Variants in CRACD observed in about 807,000 individuals in gnomAD.
The protein encoded by CRACD is capping protein inhibiting regulator of actin dynamics.
In CRACD, 56 loss-of-function variants were observed where a neutral mutation model predicts 106.8. The ratio of observed to expected loss-of-function variants is 0.52; its 90% CI spans 0.42 to 0.66. The LOEUF (loss-of-function observed/expected upper bound fraction) is 0.66, where lower values mean the gene tolerates loss of function less well. Among genes scored for constraint, CRACD ranks in the 30% least tolerant of loss-of-function variants. The pLI is 0.00. For missense variants in CRACD, 1,730 were observed against 1,623.2 expected, an observed-to-expected ratio of 1.07 and a Z score of -1.13; for synonymous variants, 754 against 670.8, an observed-to-expected ratio of 1.12 and a Z score of -1.92.
intron 2 of CRACD, among the ~76,000 whole-genome samples, chr4:56,228,542 G>C (rs1739435692): frequency 6.6e-6 from 1 of 151,382 alleles, no homozygotes; most frequent in African/African-American, 2.4e-5. Context: ...GGCCAAGGTG[G>C]GAGGATCGCT....
At chr4:56,318,202 GC>G (rs1273817964) in intron 8 of CRACD, among the ~76,000 whole-genome samples, 3 of 151,994 alleles carry the variant, frequency 2.0e-5, no homozygotes, top group African/African-American at 7.2e-5. Flanking sequence ...TTGCTATGTT[GC>G]CCAGGCTGGT....
At chr4:56,061,028 A>C (rs2412721) in intron 1 of CRACD, among the ~76,000 whole-genome samples, 55,817 of 152,000 alleles carry the variant, frequency 0.37, 11,791 homozygotes, top group African/African-American at 0.59. Context: ...AAACTAAGAC[A>C]AGTGCTGACA....
At chr4:56,253,197 C>G (rs2109592892) in intron 2 of CRACD, among the ~76,000 whole-genome samples, 1 of 152,180 alleles carries the variant, frequency 6.6e-6, no homozygotes, top group East Asian at 1.9e-4. Flanking sequence ...TCTCCCAGGC[C>G]CTGAAGGTCA....
chr4:56,156,005 C>T (rs963897211), intron 1 of CRACD, among the ~76,000 whole-genome samples: 3 of 152,092 alleles, frequency 2.0e-5, no homozygotes, highest in African/African-American at 7.2e-5. Flanking sequence ...GCTCTGTCAC[C>T]CAGGCTGGAG....
At chr4:56,177,610 A>G (rs1736642580) in intron 1 of CRACD, among the ~76,000 whole-genome samples, 1 of 152,206 alleles carries the variant, frequency 6.6e-6, no homozygotes. Flanking sequence ...TTTTCTTTAA[A>G]TGCTTGGTAG....
At chr4:56,077,428 A>G (rs1352953246) in intron 1 of CRACD, among the ~76,000 whole-genome samples, 1 of 152,204 alleles carries the variant, frequency 6.6e-6, no homozygotes, top group East Asian at 1.9e-4. Context: ...GCCAAACCAT[A>G]TCATTATGTA....
At chr4:56,208,972 C>T (rs1243218183) in intron 2 of CRACD, among the ~76,000 whole-genome samples, 3 of 147,014 alleles carry the variant, frequency 2.0e-5, no homozygotes, top group African/African-American at 8.2e-5. Context: ...CAGAATCTGT[C>T]TCTCTCTCTC....
At position 56,298,327 on chromosome 4, in the gene CRACD, T is replaced by C. The variant is rs1168063596; in HGVS notation, c.98T>C (p.Leu33Pro). 6.2e-7 allele frequency: 1 copy of C among 1,614,128 alleles called. No individual in the cohort carries two copies. Among genetic ancestry groups the C allele is most frequent in the African/African-American group, 1.3e-5 (1 of 75,042 alleles). ...TVQAMSQDNILGKVKTLQQQL... is the reference protein window; with the variant it reads ...TVQAMSQDNIPGKVKTLQQQL... ...CAAGCAATGTCACAGGACAACATCCTGGGCAAAGTCAAAACTCTTCAGGTA... is the reference window on the plus strand; with the variant it reads ...CAAGCAATGTCACAGGACAACATCCCGGGCAAAGTCAAAACTCTTCAGGTA... The change falls in exon 4 of 11, where the codon CTG (leucine) becomes CCG (proline). Residue 33 changes from leucine (L) to proline (P), a missense_variant. Physicochemically the swap from Leu to Pro is moderately conservative, Grantham distance 98. Transcript: ENST00000682029.
intron 1 of CRACD, among the ~76,000 whole-genome samples, chr4:56,145,942 T>C (rs1735363505): frequency 6.6e-6 from 1 of 152,184 alleles, no homozygotes; most frequent in Non-Finnish European, 1.5e-5. Flanking sequence ...CTTACTTTTT[T>C]TTGGTTTATT....
At chr4:56,127,064 G>A (rs981151481) in intron 1 of CRACD, among the ~76,000 whole-genome samples, 3 of 152,124 alleles carry the variant, frequency 2.0e-5, no homozygotes, top group South Asian at 2.1e-4. Flanking sequence ...CTTGGGAGGC[G>A]GAGCCCTCAT....
chr4:56,304,115 G>A (rs1744528504), intron 4 of CRACD, among the ~76,000 whole-genome samples: 1 of 151,390 alleles, frequency 6.6e-6, no homozygotes, highest in Non-Finnish European at 1.5e-5. Flanking sequence ...GCCCTCCCCT[G>A]CCAACATCCC....
chr4:56,193,809 C>T lies in CRACD; in HGVS notation c.-189+14379C>T, dbSNP rs146551806. On this transcript the variant is annotated intron_variant, in intron 2 of 10. Transcript: ENST00000682029. ...ATTTAGAAGATCAGGAAAAAAGTTT[C>T]TGTTTTTTTTTTATATTCCAATACT... Among the ~76,000 whole-genome samples the T allele has an allele frequency of 2.6e-3, 392 of 151,752 alleles. 7 individuals are homozygous for T. The East Asian group carries it at 0.065, about 25-fold the overall frequency.
intron 1 of CRACD, among the ~76,000 whole-genome samples, chr4:56,082,178 T>C (rs1733056794): frequency 6.6e-6 from 1 of 152,094 alleles, no homozygotes; most frequent in African/African-American, 2.4e-5. Context: ...AGAGGTGATA[T>C]TTAAGTAGAG....
At chr4:56,320,515 G>C (rs889124699) in intron 8 of CRACD, among the ~76,000 whole-genome samples, 3 of 152,196 alleles carry the variant, frequency 2.0e-5, no homozygotes, top group Non-Finnish European at 4.4e-5. Context: ...GTCATCCTTT[G>C]TGCGACATCA....
chr4:56,217,150 C>T (rs567872929), intron 2 of CRACD, among the ~76,000 whole-genome samples: 153 of 152,154 alleles, frequency 1.0e-3, no homozygotes, highest in African/African-American at 3.5e-3. Context: ...ATCAGATGTC[C>T]GAGTTTCCTA....
Position 56,328,271 on chromosome 4 carries a change from T to C in CRACD, c.*467T>C, listed in dbSNP as rs1293491362. The stretch of plus-strand genomic sequence containing the variant: ...CTACAGTAATGGTGAAAGGATCATA[T>C]CTAGCTAAAAGCAAGAACACCCATT... On this transcript the variant is annotated 3_prime_UTR_variant, in exon 11 of 11. Coordinates refer to ENST00000682029, the MANE Select transcript of CRACD (RefSeq NM_001393381.1). 3.9e-6 allele frequency: 2 copies of C among 516,300 alleles called. No individual in the cohort carries two copies. Among genetic ancestry groups the C allele is most frequent in the African/African-American group, 3.9e-5 (2 of 51,934 alleles). The allele number at this position is 516,300 out of a possible 1,614,324, so 32.0% of individuals were successfully genotyped here. A position where few individuals can be genotyped will look rare whatever the true frequency, so the allele number is the denominator to read the frequency against.
chr4:56,049,674 C>G (rs1237315693), intron 1 of CRACD, among the ~76,000 whole-genome samples: 2 of 152,196 alleles, frequency 1.3e-5, no homozygotes, highest in African/African-American at 4.8e-5. Flanking sequence ...GGGCCAGAAC[C>G]AGACCTCACC....
chr4:56,096,341 A>C (rs1733599066), intron 1 of CRACD, among the ~76,000 whole-genome samples: 1 of 152,156 alleles, frequency 6.6e-6, no homozygotes, highest in African/African-American at 2.4e-5. Flanking sequence ...TATGAAGAGG[A>C]ATCAGCCTAG....
chr4:56,082,650 C>T (rs1370168639), intron 1 of CRACD, among the ~76,000 whole-genome samples: 2 of 151,994 alleles, frequency 1.3e-5, no homozygotes, highest in East Asian at 1.9e-4. Context: ...CTGGCTCAAG[C>T]AGCTGGGTAA....
Sources: gnomAD v4.1 joint callset for allele counts (sites outside exome capture counted in the v4.1 genomes callset) on GRCh38, gnomAD v4.1.1 for gene constraint, MANE v1.5 for transcripts, NCBI Gene and HGNC (gene_info 2026-07-23, HGNC 2026-07-21) for gene names.